NEIL2: variants seen among roughly 807,000 people sequenced by gnomAD.
The protein encoded by NEIL2 is nei like DNA glycosylase 2, also known as endonuclease 8-like 2.
Under a neutral mutation model 22.2 loss-of-function variants are expected in NEIL2, and 23 were observed. That is an observed-to-expected ratio of 1.04 (90% CI 0.75 to 1.47). The LOEUF is 1.47. Ranked by LOEUF, NEIL2 falls within the 40% of genes most tolerant of loss-of-function variation. NEIL2 has a pLI of 0.00. For synonymous variants in NEIL2, 229 were observed against 164.8 expected (o/e 1.39, Z -2.99); for missense variants, 583 against 404.7 (o/e 1.44, Z -3.78).
Position 11,779,742 on chromosome 8 carries a change from C to T in NEIL2, c.283C>T (p.Gln95Ter). Residue 95 changes from glutamine (Q) to a stop codon, truncating the protein, a stop_gained, in exon 3 of 5, where the codon CAG (glutamine) becomes TAG (stop). Coordinates refer to ENST00000284503, the MANE Select transcript of NEIL2 (RefSeq NM_145043.4). LOFTEE classifies it high-confidence loss of function. ...AAAGCAGGTCGGGGAGCCCAGCGGG[C>T]AGAAGACCCTTGATGGATCCTCACG... is the stretch of plus-strand genomic sequence containing the variant. Reference protein sequence around the residue: ...DPKQVGEPSGQKTLDGSSRSA... With the variant: ...DPKQVGEPSG 10 of 1,614,204 alleles carry T rather than the reference C, an allele frequency of 6.2e-6. No individual in the cohort carries two copies. Among genetic ancestry groups the T allele is most frequent in the Non-Finnish European group, 7.6e-6 (9 of 1,180,044 alleles).
At chr8:11,782,916 T>G in intron 3 of NEIL2, 1 of 480,136 alleles carries the variant, frequency 2.1e-6, no homozygotes, top group Non-Finnish European at 3.9e-6. Context: ...GATGTGGGGA[T>G]GTGTGTATGT....
At chr8:11,771,689 C>T in intron 2 of NEIL2, 104 bp downstream of exon 2, 1 of 1,263,672 alleles carries the variant, frequency 7.9e-7, no homozygotes, top group Non-Finnish European at 1.1e-6. Context: ...GAGTCCGGAA[C>T]CACCAAGCTC....
chr8:11,784,971 C>T (rs138714864), intron 4 of NEIL2, among the ~76,000 whole-genome samples: 173 of 152,220 alleles, frequency 1.1e-3, no homozygotes, highest in African/African-American at 3.9e-3. Context: ...GTGGCTCAAG[C>T]GATCCTCCCA....
At chr8:11,780,423 C>T (rs1804306897) in intron 3 of NEIL2, among the ~76,000 whole-genome samples, 1 of 152,174 alleles carries the variant, frequency 6.6e-6, no homozygotes, top group South Asian at 2.1e-4. Flanking sequence ...TCTGTTGGCC[C>T]AGGCTGGAGT....
chr8:11,775,650 G>C (rs1247503217), intron 2 of NEIL2, among the ~76,000 whole-genome samples: 1 of 152,148 alleles, frequency 6.6e-6, no homozygotes, highest in African/African-American at 2.4e-5. Flanking sequence ...TCAAACTTCT[G>C]TGCTCTGCTT....
At chr8:11,775,499 A>G (rs569563798) in intron 2 of NEIL2, among the ~76,000 whole-genome samples, 1 of 152,332 alleles carries the variant, frequency 6.6e-6, no homozygotes, top group Admixed American at 6.5e-5. Context: ...GGTCTCTGAC[A>G]TGCTCTGGAG....
chr8:11,786,753 T>G lies in NEIL2; in HGVS notation c.*480T>G, dbSNP rs538660806. 5.1e-6 allele frequency: 1 copy of G among 197,630 alleles called. No individual in the cohort carries two copies. The highest frequency in any genetic ancestry group is 1.5e-4 in the East Asian group (1 of 6,786). The allele number at this position is 197,630 out of a possible 1,614,324, so 12.2% of individuals were successfully genotyped here. A position where few individuals can be genotyped will look rare whatever the true frequency, so the allele number is the denominator to read the frequency against. Reference sequence around the variant, plus strand: ...CTCCCTGGCTCAAGCAGTCTTCATCTCAGCCTCCAGAGTAGCTGGGACTAC... The same window carrying G: ...CTCCCTGGCTCAAGCAGTCTTCATCGCAGCCTCCAGAGTAGCTGGGACTAC... On this transcript the variant is annotated 3_prime_UTR_variant, in exon 5 of 5. Transcript: ENST00000284503.
At position 11,783,366 on chromosome 8, in the gene NEIL2, A is replaced by G. The variant is rs1202242071; in HGVS notation, c.655A>G (p.Thr219Ala). 9 of 1,614,160 alleles carry G rather than the reference A, an allele frequency of 5.6e-6. No homozygotes were observed. The highest frequency in any genetic ancestry group is 1.1e-5 in the South Asian group (1 of 91,088). ...ALGQAQPVCY[T>A]LLDQRYFSGL... Reference sequence around the variant, plus strand: ...AGGCCAGGCTCAGCCTGTCTGCTATACACTGCTGGACCAGAGATACTTCTC... The same window carrying G: ...AGGCCAGGCTCAGCCTGTCTGCTATGCACTGCTGGACCAGAGATACTTCTC... The change falls in exon 4 of 5, where the codon ACA becomes GCA. Residue 219 changes from threonine to alanine, a missense_variant. Coordinates refer to ENST00000284503, the MANE Select transcript of NEIL2 (RefSeq NM_145043.4).
chr8:11,779,891 C>T lies in NEIL2; in HGVS notation c.432C>T (p.Asn144=), dbSNP rs781699605. The change falls in exon 3 of 5, where the codon AAC becomes AAT. Residue 144 remains asparagine (N), a synonymous_variant. Transcript: ENST00000284503. The part of the protein sequence containing the change: ...SFGLFGSVWV[N]DFSRAKKANK... ...GTTTGTTTGGCAGCGTTTGGGTGAA[C>T]GATTTCTCCAGAGCCAAGAAAGCCA... 5.0e-6 allele frequency: 8 copies of T among 1,614,074 alleles called. No homozygotes were observed. In the East Asian group the frequency reaches 6.7e-5, roughly 13 times the overall value.
At chr8:11,773,242 G>A (rs894895720) in intron 2 of NEIL2, among the ~76,000 whole-genome samples, 6 of 152,198 alleles carry the variant, frequency 3.9e-5, no homozygotes, top group Non-Finnish European at 8.8e-5. Flanking sequence ...GGATGGGTGG[G>A]CAGATGGATG....
Position 11,771,588 on chromosome 8 carries a change from G to A in NEIL2, c.138+3G>A. The A allele has an allele frequency of 3.7e-6, 6 of 1,613,404 alleles. No individual in the cohort carries two copies. Among genetic ancestry groups the A allele is most frequent in the Non-Finnish European group, 4.2e-6 (5 of 1,179,616 alleles). ...CTCTGTGGCTCCAGGACACCCAGGT[G>A]AGGTAATACTCCTCTGAAGGGTTGG... On this transcript the variant is annotated splice_donor_region_variant and intron_variant, in intron 2 of 4. Transcript: ENST00000284503.
At chr8:11,785,837 A>T in intron 4 of NEIL2, 126 bp from the exon 5 acceptor site, 1 of 836,834 alleles carries the variant, frequency 1.2e-6, no homozygotes, top group Non-Finnish European at 2.1e-6. Flanking sequence ...GGAGTCAGAG[A>T]TCGCAGACCC....
At chr8:11,785,604 C>T (rs1296352650) in intron 4 of NEIL2, among the ~76,000 whole-genome samples, 2 of 152,210 alleles carry the variant, frequency 1.3e-5, no homozygotes, top group African/African-American at 4.8e-5. Flanking sequence ...GGTAAGCCAT[C>T]CCTGCCTTAC....
chr8:11,771,225 G>C (rs1803405486), intron 1 of NEIL2, among the ~76,000 whole-genome samples: 1 of 152,184 alleles, frequency 6.6e-6, no homozygotes, highest in Non-Finnish European at 1.5e-5. Context: ...ATGAAGAAAG[G>C]TAAGAGGGGC....
chr8:11,775,297 G>A (rs886136409), intron 2 of NEIL2, among the ~76,000 whole-genome samples: 1 of 146,318 alleles, frequency 6.8e-6, no homozygotes, highest in African/African-American at 2.4e-5. Flanking sequence ...AACCGCCAAG[G>A]CTTGGGGCTT....
rs773501966 is a variant in NEIL2 at position 11,779,631 on chromosome 8, C to T, written c.172C>T (p.Leu58=). 1.1e-5 allele frequency: 18 copies of T among 1,613,438 alleles called. No homozygotes were observed. The highest frequency in any genetic ancestry group is 1.7e-5 in the Admixed American group (1 of 60,022). The change falls in exon 3 of 5, where the codon CTA becomes TTA. Residue 58 remains leucine, a synonymous_variant. Transcript: ENST00000284503. ...AAAGAAATTATTCCTTAGATTTGAT[C>T]TAGATGAAGAAATGGGGCCCCCTGG... is the stretch of plus-strand genomic sequence containing the variant. ...HGKKLFLRFD[L]DEEMGPPGSS...
chr8:11,782,962 GT>G (rs1804563527), intron 3 of NEIL2: 1 of 568,494 alleles, frequency 1.8e-6, no homozygotes, highest in Admixed American at 2.5e-5. Context: ...CTCTGACTAT[GT>G]TGTGGTAATG....
chr8:11,785,518 T>G (rs921882826), intron 4 of NEIL2, among the ~76,000 whole-genome samples: 3 of 152,196 alleles, frequency 2.0e-5, no homozygotes, highest in African/African-American at 7.2e-5. Context: ...CAGTTAATAC[T>G]TATTGAGTAC....
chr8:11,779,493 C>T (rs8191609), intron 2 of NEIL2, 105 bp from the exon 3 acceptor site: 31,293 of 963,208 alleles, frequency 0.032, 2,046 homozygotes, highest in East Asian at 0.27. Flanking sequence ...GGAAGGCCCC[C>T]CAGGAGGGGT....
Sources: allele counts gnomAD v4.1 joint callset (sites outside exome capture counted in the v4.1 genomes callset), GRCh38; gene constraint gnomAD v4.1.1; transcripts MANE v1.5; gene names NCBI Gene and HGNC (gene_info 2026-07-23, HGNC 2026-07-21).